MYT1L: variants seen among roughly 807,000 people sequenced by gnomAD.
MYT1L encodes myelin transcription factor 1 like, also known as myelin transcription factor 1-like protein.
Under a neutral mutation model 126.7 loss-of-function variants are expected in MYT1L, and 12 were observed. That is an observed-to-expected ratio of 0.09 (90% CI 0.06 to 0.15). MYT1L has a LOEUF of 0.15. Ranked by LOEUF, MYT1L falls within the 10% of genes least tolerant of loss-of-function variation. The pLI is 1.00. For synonymous variants in MYT1L, 541 were observed against 604.2 expected (o/e 0.90, Z 1.53); for missense variants, 979 against 1,585.2 (o/e 0.62, Z 6.49).
At chr2:1,797,414 G>C (rs1451512210) in intron 23 of MYT1L, among the ~76,000 whole-genome samples, 2 of 152,186 alleles carry the variant, frequency 1.3e-5, no homozygotes, top group South Asian at 2.1e-4. Flanking sequence ...TAGAGACGGG[G>C]TTTCACCGTG....
intron 18 of MYT1L, chr2:1,884,150 A>C (rs746919874): frequency 6.6e-6 from 1 of 152,244 alleles, no homozygotes; most frequent in Non-Finnish European, 1.5e-5. Context: ...AAATTTCCAG[A>C]AAGTTCCATT....
intron 2 of MYT1L, among the ~76,000 whole-genome samples, chr2:2,265,069 C>A (rs193198837): frequency 2.6e-5 from 4 of 151,298 alleles, no homozygotes; most frequent in Non-Finnish European, 5.9e-5. Flanking sequence ...CTCTTGTCAC[C>A]CAGCCTGGAG....
At chr2:2,182,322 G>A (rs1460461937) in intron 2 of MYT1L, among the ~76,000 whole-genome samples, 2 of 152,160 alleles carry the variant, frequency 1.3e-5, no homozygotes, top group Admixed American at 6.5e-5. Context: ...TGGAAATCCA[G>A]TTACTTGAAC....
chr2:1,942,837 T>C, intron 9 of MYT1L, 145 bp downstream of exon 9: 1 of 1,046,466 alleles, frequency 9.6e-7, no homozygotes, highest in Non-Finnish European at 1.3e-6. Context: ...AAGTGTTCAG[T>C]TCATATAAGA....
chr2:2,181,476 T>G (rs1312230993), intron 2 of MYT1L, among the ~76,000 whole-genome samples: 1 of 152,124 alleles, frequency 6.6e-6, no homozygotes, highest in Non-Finnish European at 1.5e-5. Flanking sequence ...GCCCCGCTCT[T>G]AAAATATATA....
intron 2 of MYT1L, among the ~76,000 whole-genome samples, chr2:2,283,489 T>C (rs2095478288): frequency 6.6e-6 from 1 of 152,150 alleles, no homozygotes; most frequent in Non-Finnish European, 1.5e-5. Flanking sequence ...TTTGAACCAT[T>C]AAAAATTAGT....
At chr2:1,947,607 C>A (rs1196677694) in intron 8 of MYT1L, among the ~76,000 whole-genome samples, 1 of 152,236 alleles carries the variant, frequency 6.6e-6, no homozygotes, top group Non-Finnish European at 1.5e-5. Context: ...GGCTCCCTTG[C>A]AGAGGGCCCG....
intron 1 of MYT1L, among the ~76,000 whole-genome samples, chr2:2,292,124 G>A (rs2095608789): frequency 6.6e-6 from 1 of 152,200 alleles, no homozygotes; most frequent in African/African-American, 2.4e-5. Context: ...AGGCAAAAGG[G>A]GCAGCGAGCA....
Position 2,253,242 on chromosome 2 carries a change from C to G in MYT1L, c.-421+31162G>C, listed in dbSNP as rs76482674. Reference sequence around the variant, plus strand: ...AGCCTGGTCTCCATTCCAGCTGCAGCTTTTGCTGCCCCCCTCGCAGGAGCC... The same window carrying G: ...AGCCTGGTCTCCATTCCAGCTGCAGGTTTTGCTGCCCCCCTCGCAGGAGCC... On this transcript the variant is annotated intron_variant, in intron 2 of 24. Coordinates refer to ENST00000647738, the MANE Select transcript of MYT1L (RefSeq NM_001303052.2). Among the ~76,000 whole-genome samples, 588 of 152,352 alleles carry G rather than the reference C, an allele frequency of 3.9e-3. 30 individuals carry two copies. In the East Asian group the frequency reaches 0.097, roughly 25 times the overall value.
At chr2:2,122,730 T>G (rs1177507374) in intron 3 of MYT1L, among the ~76,000 whole-genome samples, 1 of 152,114 alleles carries the variant, frequency 6.6e-6, no homozygotes, top group African/African-American at 2.4e-5. Flanking sequence ...GAACGCTGGG[T>G]TGGCCATACA....
chr2:2,313,516 G>GT (rs137906027), intron 1 of MYT1L, among the ~76,000 whole-genome samples: 30,303 of 146,152 alleles, frequency 0.21, 3,385 homozygotes, highest in South Asian at 0.28. Context: ...TAAAATACCT[G>GT]TTTTTTTTTT....
chr2:2,195,156 CAT>C (rs2092745424), intron 2 of MYT1L, among the ~76,000 whole-genome samples: 1 of 152,188 alleles, frequency 6.6e-6, no homozygotes, highest in African/African-American at 2.4e-5. Context: ...AGGTGTAGCA[CAT>C]CTTTCCTGCT....
chr2:2,255,196 A>G (rs73913283), intron 2 of MYT1L, among the ~76,000 whole-genome samples: 1 of 152,174 alleles, frequency 6.6e-6, no homozygotes, highest in South Asian at 2.1e-4. Context: ...ACCGAACACC[A>G]TTTATGGTTC....
chr2:1,850,038 G>C (rs2043015455), intron 19 of MYT1L, among the ~76,000 whole-genome samples: 1 of 150,726 alleles, frequency 6.6e-6, no homozygotes, highest in Non-Finnish European at 1.5e-5. Context: ...TGGTGAGGGG[G>C]GGGCCATTAT....
At chr2:1,995,714 C>T (rs999467887) in intron 5 of MYT1L, among the ~76,000 whole-genome samples, 2 of 152,136 alleles carry the variant, frequency 1.3e-5, no homozygotes, top group African/African-American at 4.8e-5. Context: ...GGCGTGGGAC[C>T]AGCTGATGCC....
chr2:1,914,257 A>C (rs1388316897), intron 11 of MYT1L, among the ~76,000 whole-genome samples: 1 of 152,032 alleles, frequency 6.6e-6, no homozygotes, highest in Admixed American at 6.5e-5. Context: ...CTGTCTAAAA[A>C]AAAAACAAAA....
intron 21 of MYT1L, among the ~76,000 whole-genome samples, chr2:1,817,611 G>C (rs191967545): frequency 6.6e-6 from 1 of 152,210 alleles, no homozygotes; most frequent in African/African-American, 2.4e-5. Context: ...TGCCAGCTCA[G>C]GTCCAATTTG....
At chr2:2,072,721 TAGTG>T (rs1384589928) in intron 3 of MYT1L, among the ~76,000 whole-genome samples, 1 of 152,192 alleles carries the variant, frequency 6.6e-6, no homozygotes, top group East Asian at 1.9e-4. Flanking sequence ...GTTCTCATGC[TAGTG>T]AGTGAGTTCT....
chr2:2,004,847 C>T (rs567341591), intron 4 of MYT1L, among the ~76,000 whole-genome samples: 161 of 148,066 alleles, frequency 1.1e-3, no homozygotes, highest in African/African-American at 3.7e-3. Flanking sequence ...TTCCTGCATG[C>T]GCTCTTTCCT....
Sources: gnomAD v4.1 joint callset for allele counts (sites outside exome capture counted in the v4.1 genomes callset) on GRCh38, gnomAD v4.1.1 for gene constraint, MANE v1.5 for transcripts, NCBI Gene and HGNC (gene_info 2026-07-23, HGNC 2026-07-21) for gene names.